RHOQ: variants seen among roughly 807,000 people sequenced by gnomAD.
The protein encoded by RHOQ is ras homolog family member Q.
Under a neutral mutation model 25.8 loss-of-function variants are expected in RHOQ, and 7 were observed. The ratio of observed to expected loss-of-function variants is 0.27; its 90% CI spans 0.15 to 0.51. The LOEUF is 0.51. Among genes scored for constraint, RHOQ ranks in the 20% least tolerant of loss-of-function variants. The pLI is 0.97. For missense variants in RHOQ, 165 were observed against 260.6 expected (o/e 0.63, Z 2.53); for synonymous variants, 97 against 98.6 (o/e 0.98, Z 0.10).
chr2:46,553,261 G>A (rs150126897), intron 2 of RHOQ, among the ~76,000 whole-genome samples: 7 of 146,720 alleles, frequency 4.8e-5, no homozygotes, highest in African/African-American at 1.2e-4. Flanking sequence ...CACATCCACC[G>A]CTGTCTTACA....
At chr2:46,574,614 G>T (rs1669047185) in intron 2 of RHOQ, among the ~76,000 whole-genome samples, 1 of 152,098 alleles carries the variant, frequency 6.6e-6, no homozygotes, top group Admixed American at 6.6e-5. Flanking sequence ...AGAAGATTGG[G>T]GGTGGCATTT....
In RHOQ at chr2:46,581,509, T is replaced by G. The variant is rs577280268; in HGVS notation, c.*426T>G. 3.7e-6 allele frequency: 6 copies of G among 1,611,542 alleles called. No homozygotes were observed. The South Asian group carries it at 5.5e-5, about 15-fold the overall frequency. On this transcript the variant is annotated 3_prime_UTR_variant, in exon 5 of 5. Coordinates refer to ENST00000238738, the MANE Select transcript of RHOQ (RefSeq NM_012249.4). ...GTTCTTGTATGTAAGTTGCTTTCTA[T>G]TCCAGTATATCCAGAGTGGTGAAAT...
At chr2:46,567,198 G>A (rs1169281113) in intron 2 of RHOQ, among the ~76,000 whole-genome samples, 2 of 152,134 alleles carry the variant, frequency 1.3e-5, no homozygotes, top group Non-Finnish European at 2.9e-5. Flanking sequence ...TCCCAAGGCT[G>A]ACTACTCCAG....
chr2:46,552,599 C>G lies in RHOQ; in HGVS notation c.201+8787C>G, dbSNP rs1445659820. On this transcript the variant is annotated intron_variant, in intron 2 of 4. Coordinates refer to ENST00000238738, the MANE Select transcript of RHOQ (RefSeq NM_012249.4). This position sits in a 1 kb window ranked among gnomAD's most constrained non-coding sequence, Gnocchi z 5.0. ...CCACCTGCTGCTCATATTGTTTGCC[C>G]TCTTGGGCCATCCCCATTGCCACCA... Among the ~76,000 whole-genome samples, 2 of 152,256 alleles carry G rather than the reference C, an allele frequency of 1.3e-5. No homozygotes were observed. Among genetic ancestry groups the G allele is most frequent in the South Asian group, 2.1e-4 (1 of 4,836 alleles).
At chr2:46,568,590 A>G (rs1392168839) in intron 2 of RHOQ, 1 of 152,238 alleles carries the variant, frequency 6.6e-6, no homozygotes, top group East Asian at 1.9e-4. Context: ...AATGTCTAGC[A>G]GTACACTCAC....
rs993995446 is a variant in RHOQ at position 46,576,156 on chromosome 2, G to A, written c.271G>A (p.Val91Ile). The change falls in exon 3 of 5, where the codon GTA becomes ATA. Residue 91 changes from valine to isoleucine, a missense_variant. By Grantham distance (29) the Val-to-Ile change is conservative. Transcript: ENST00000238738. This position sits in a 1 kb window ranked among gnomAD's most constrained non-coding sequence, Gnocchi z 5.1. ...TGTCTTCCTTATATGCTTCTCGGTG[G>A]TAAATCCAGCCTCATTTCAAAATGT... ...TDVFLICFSV[V>I]NPASFQNVKE... The A allele has an allele frequency of 3.1e-6, 5 of 1,612,582 alleles. No homozygotes were observed. Among genetic ancestry groups the A allele is most frequent in the African/African-American group, 1.3e-5 (1 of 74,712 alleles).
At chr2:46,572,114 T>G (rs1249293203) in intron 2 of RHOQ, among the ~76,000 whole-genome samples, 3 of 132,710 alleles carry the variant, frequency 2.3e-5, no homozygotes, top group Non-Finnish European at 3.2e-5. Context: ...TGTGTTTTTT[T>G]TTTTTTTTTT....
chr2:46,550,675 G>A (rs1283945135), intron 2 of RHOQ, among the ~76,000 whole-genome samples: 1 of 152,244 alleles, frequency 6.6e-6, no homozygotes, highest in Admixed American at 6.5e-5. Flanking sequence ...TCACTTCTGT[G>A]AGCCTCTCTT....
intron 2 of RHOQ, among the ~76,000 whole-genome samples, chr2:46,547,757 G>A (rs1006403580): frequency 2.6e-5 from 4 of 152,300 alleles, no homozygotes; most frequent in Admixed American, 2.6e-4. Context: ...AGGCTCTGCA[G>A]CAACCCCATT....
intron 4 of RHOQ, among the ~76,000 whole-genome samples, chr2:46,577,694 C>T (rs1470730084): frequency 6.6e-6 from 1 of 150,552 alleles, no homozygotes; most frequent in Non-Finnish European, 1.5e-5. Context: ...GGATTACAGG[C>T]ATGAGCCACC....
At chr2:46,577,565 ATTTTTTTT>A (rs908178158) in intron 4 of RHOQ, among the ~76,000 whole-genome samples, 15 of 64,948 alleles carry the variant, frequency 2.3e-4, no homozygotes, top group East Asian at 2.1e-3. Flanking sequence ...ACACCCGGCT[ATTTTTTTT>A]TTTTTTTTTT....
Position 46,581,355 on chromosome 2 carries a change from A to G in RHOQ, c.*272A>G, listed in dbSNP as rs945238006. On this transcript the variant is annotated 3_prime_UTR_variant, in exon 5 of 5. Coordinates refer to ENST00000238738, the MANE Select transcript of RHOQ (RefSeq NM_012249.4). ...GGGTTTCATAGTTTAAAAAGCTACA[A>G]TCACATCATGTTGTAACTACGTAAA... 9.1e-6 allele frequency: 13 copies of G among 1,426,918 alleles called. No homozygotes were observed. Among genetic ancestry groups the G allele is most frequent in the African/African-American group, 2.9e-5 (2 of 69,484 alleles). The allele number at this position is 1,426,918 out of a possible 1,614,324, so 88.4% of individuals were successfully genotyped here. A position where few individuals can be genotyped will look rare whatever the true frequency, so the allele number is the denominator to read the frequency against.
chr2:46,552,744 G>A lies in RHOQ; in HGVS notation c.201+8932G>A, dbSNP rs546084570. Among the ~76,000 whole-genome samples, 10 of 152,350 alleles carry A rather than the reference G, an allele frequency of 6.6e-5. No individual in the cohort carries two copies. The South Asian group carries it at 1.9e-3, about 28-fold the overall frequency. On this transcript the variant is annotated intron_variant, in intron 2 of 4. Coordinates refer to ENST00000238738, the MANE Select transcript of RHOQ (RefSeq NM_012249.4). This position sits in a 1 kb window ranked among gnomAD's most constrained non-coding sequence, Gnocchi z 5.0. Reference sequence around the variant, plus strand: ...CCTGAGCACCAGATCTGGGCCAGGGGCAGGTGTTAGAAGATCTGTCAGGCA... The same window carrying A: ...CCTGAGCACCAGATCTGGGCCAGGGACAGGTGTTAGAAGATCTGTCAGGCA...
chr2:46,575,983 G>GGAGT (rs1378649428), intron 2 of RHOQ, 104 bp from the exon 3 acceptor site: 2 of 871,044 alleles, frequency 2.3e-6, no homozygotes, highest in Non-Finnish European at 3.3e-6. Context: ...TTCCACTAGT[G>GGAGT]GAGTACTCCT....
chr2:46,563,926 A>G (rs1668648346), intron 2 of RHOQ, among the ~76,000 whole-genome samples: 2 of 151,974 alleles, frequency 1.3e-5, no homozygotes, highest in South Asian at 4.1e-4. Flanking sequence ...CTAGGATTAT[A>G]GGCGTGGGCC....
At chr2:46,550,793 C>G (rs1450206922) in intron 2 of RHOQ, among the ~76,000 whole-genome samples, 1 of 152,190 alleles carries the variant, frequency 6.6e-6, no homozygotes, top group Non-Finnish European at 1.5e-5. Flanking sequence ...AGTGCGGGCC[C>G]AGGCTAGCTC....
At position 46,566,871 on chromosome 2, in the gene RHOQ, C is replaced by T. The variant is rs540295893; in HGVS notation, c.202-9216C>T. Reference sequence around the variant, plus strand: ...TCTTTCTTGCCTGCGCAGACTGAAACTCATCTTCCTGGTTATTCTCTCTCC... The same window carrying T: ...TCTTTCTTGCCTGCGCAGACTGAAATTCATCTTCCTGGTTATTCTCTCTCC... On this transcript the variant is annotated intron_variant, in intron 2 of 4. Transcript: ENST00000238738. The surrounding 1 kb of genome is among the most constrained non-coding windows in gnomAD (Gnocchi z 4.2). Among the ~76,000 whole-genome samples, 2 of 152,332 alleles carry T rather than the reference C, an allele frequency of 1.3e-5. No homozygotes were observed. The highest frequency in any genetic ancestry group is 4.1e-4 in the South Asian group (2 of 4,834).
chr2:46,563,715 T>C lies in RHOQ; in HGVS notation c.202-12372T>C, dbSNP rs2104006825. 1.3e-5 allele frequency among the ~76,000 whole-genome samples: 2 copies of C among 152,204 alleles called. 1 individual carries two copies. On this transcript the variant is annotated intron_variant, in intron 2 of 4. Coordinates refer to ENST00000238738, the MANE Select transcript of RHOQ (RefSeq NM_012249.4). ...TTCTGAATTTTCAAAGAAATCTAGG[T>C]GAGTGTGCATGTGTGCATACACACG...
At chr2:46,551,743 T>C (rs1402946178) in intron 2 of RHOQ, among the ~76,000 whole-genome samples, 1 of 152,184 alleles carries the variant, frequency 6.6e-6, no homozygotes, top group Non-Finnish European at 1.5e-5. Flanking sequence ...ATCCCTAGAT[T>C]TTCCTGCTCT....
Sources: allele counts gnomAD v4.1 joint callset (sites outside exome capture counted in the v4.1 genomes callset), GRCh38; gene constraint gnomAD v4.1.1; non-coding constraint Gnocchi (gnomAD v3.1); transcripts MANE v1.5; gene names NCBI Gene and HGNC (gene_info 2026-07-23, HGNC 2026-07-21).